Variants in PPM1H observed in about 807,000 individuals in gnomAD.
PPM1H encodes protein phosphatase 1H.
Under a neutral mutation model 54.9 loss-of-function variants are expected in PPM1H, and 27 were observed. That is an observed-to-expected ratio of 0.49 (90% confidence interval 0.36 to 0.68). The LOEUF (loss-of-function observed/expected upper bound fraction) is 0.68. PPM1H is among the 30% of genes least tolerant of loss of function. The pLI, the probability that PPM1H is intolerant of heterozygous loss-of-function variation, is 0.00. For missense variants in PPM1H, 596 were observed against 667.8 expected, an observed-to-expected ratio of 0.89 and a Z score of 1.19; for synonymous variants, 305 against 270.8, an observed-to-expected ratio of 1.13 and a Z score of -1.24.
At chr12:62,662,629 A>G (rs112676680) in intron 9 of PPM1H, among the ~76,000 whole-genome samples, 1,793 of 152,328 alleles carry the variant, frequency 0.012, 16 homozygotes, top group South Asian at 0.029. Context: ...AATTTTCCCA[A>G]GATCCTAAAT....
intron 1 of PPM1H, among the ~76,000 whole-genome samples, chr12:62,917,274 T>C (rs1871654667): frequency 6.6e-6 from 1 of 152,240 alleles, no homozygotes; most frequent in Admixed American, 6.5e-5. Flanking sequence ...CTGTGCCAAG[T>C]GGCAGCACAA....
At position 62,719,404 on chromosome 12, in the gene PPM1H, C is replaced by A. The variant is rs994730511; in HGVS notation, c.1073+767G>T. Among the ~76,000 whole-genome samples the A allele has an allele frequency of 3.3e-5, 5 of 152,126 alleles. No homozygotes were observed. The South Asian group carries it at 1.0e-3, about 32-fold the overall frequency. ...CTGGCAGGAGGCTCGCTCGTTAGGA[C>A]CCCAGGGCACAAGAGCAAATCTTCA... On this transcript the variant is annotated intron_variant, in intron 6 of 9. Coordinates refer to ENST00000228705, the MANE Select transcript of PPM1H (RefSeq NM_020700.2).
Position 62,646,272 on chromosome 12 carries a change from A to C in PPM1H, c.*2217T>G, listed in dbSNP as rs1029912002. Reference sequence around the variant, plus strand: ...CTGAGACGTGCCATAGCAGTAAATGAATTGGTGAATTGAGTAGAAGGTAGT... The same window carrying C: ...CTGAGACGTGCCATAGCAGTAAATGCATTGGTGAATTGAGTAGAAGGTAGT... On this transcript the variant is annotated 3_prime_UTR_variant, in exon 10 of 10. Coordinates refer to ENST00000228705, the MANE Select transcript of PPM1H (RefSeq NM_020700.2). The C allele has an allele frequency of 2.6e-5, 4 of 152,186 alleles. No individual in the cohort carries two copies. The highest frequency in any genetic ancestry group is 9.7e-5 in the African/African-American group (4 of 41,440). 9.4% of individuals were successfully genotyped at this position (152,186 alleles called of 1,614,324 possible).
intron 3 of PPM1H, among the ~76,000 whole-genome samples, chr12:62,795,569 C>A (rs1288460869): frequency 6.6e-6 from 1 of 152,052 alleles, no homozygotes; most frequent in Non-Finnish European, 1.5e-5. Flanking sequence ...GCCTCAGGCT[C>A]CCGAGTAGCT....
At chr12:62,928,939 T>A (rs1422667992) in intron 1 of PPM1H, among the ~76,000 whole-genome samples, 1 of 152,162 alleles carries the variant, frequency 6.6e-6, no homozygotes, top group Non-Finnish European at 1.5e-5. Context: ...GTAACAAGTG[T>A]CAGAATAATT....
chr12:62,922,334 G>GTTTTT (rs1871825197), intron 1 of PPM1H, among the ~76,000 whole-genome samples: 1 of 79,282 alleles, frequency 1.3e-5, no homozygotes, highest in African/African-American at 4.3e-5. Flanking sequence ...GGGATAGGAT[G>GTTTTT]TCTTTTTTTT....
At chr12:62,695,240 A>T (rs868015860) in intron 6 of PPM1H, among the ~76,000 whole-genome samples, 1 of 152,162 alleles carries the variant, frequency 6.6e-6, no homozygotes, top group Non-Finnish European at 1.5e-5. Flanking sequence ...CATGGGGTGG[A>T]GAATCAGTGA....
intron 1 of PPM1H, chr12:62,840,072 AGAGAGAGAGAGAGC>A (rs1472991858): frequency 2.6e-5 from 4 of 151,260 alleles, no homozygotes; most frequent in African/African-American, 9.8e-5. Context: ...AGAGAGAGAG[AGAGAGAGAGAGAGC>A]GAGAGAAATA....
intron 1 of PPM1H, among the ~76,000 whole-genome samples, chr12:62,884,234 T>A (rs1870498073): frequency 6.6e-6 from 1 of 151,690 alleles, no homozygotes; most frequent in Non-Finnish European, 1.5e-5. Flanking sequence ...AAACCTGTAA[T>A]CCCAGCACTT....
At chr12:62,771,295 GACACAC>G (rs4026219) in intron 4 of PPM1H, among the ~76,000 whole-genome samples, 6,417 of 131,854 alleles carry the variant, frequency 0.049, 166 homozygotes, top group South Asian at 0.092. Flanking sequence ...ACTTTGTGAA[GACACAC>G]ACACACACAC....
chr12:62,772,299 G>A (rs558534963), intron 4 of PPM1H, among the ~76,000 whole-genome samples: 43 of 152,250 alleles, frequency 2.8e-4, no homozygotes, highest in African/African-American at 1.0e-3. Flanking sequence ...AAGTCATTCT[G>A]CTAAGTTGTG....
chr12:62,656,460 T>C (rs2075844328), intron 9 of PPM1H, among the ~76,000 whole-genome samples: 1 of 152,230 alleles, frequency 6.6e-6, no homozygotes, highest in East Asian at 1.9e-4. Context: ...TCATAAGTCA[T>C]CTACGTCTTA....
chr12:62,907,309 G>T (rs146895137), intron 1 of PPM1H, among the ~76,000 whole-genome samples: 151 of 152,284 alleles, frequency 9.9e-4, no homozygotes, highest in African/African-American at 3.4e-3. Flanking sequence ...TCATCATCAC[G>T]AGTCTTGGGA....
At chr12:62,870,525 T>C (rs1432998706) in intron 1 of PPM1H, among the ~76,000 whole-genome samples, 1 of 152,038 alleles carries the variant, frequency 6.6e-6, no homozygotes, top group Non-Finnish European at 1.5e-5. Context: ...GAGAAAAGAA[T>C]GGATTTGAAA....
intron 3 of PPM1H, among the ~76,000 whole-genome samples, chr12:62,798,622 C>A (rs2076749572): frequency 6.6e-6 from 1 of 152,194 alleles, no homozygotes; most frequent in Non-Finnish European, 1.5e-5. Context: ...AGGGAAGAGA[C>A]ATAGCTTAAA....
chr12:62,837,770 C>T (rs143499383), intron 1 of PPM1H, among the ~76,000 whole-genome samples: 295 of 152,324 alleles, frequency 1.9e-3, no homozygotes, highest in African/African-American at 6.8e-3. Context: ...ACACCAAATG[C>T]AAAGCTAGCT....
At chr12:62,795,406 C>T (rs1241034775) in intron 3 of PPM1H, among the ~76,000 whole-genome samples, 15 of 151,758 alleles carry the variant, frequency 9.9e-5, no homozygotes, top group Admixed American at 9.9e-4. Context: ...TTTCTATATT[C>T]ATATAATGTG....
chr12:62,686,548 TTCTCTGG>T (rs922874004), intron 8 of PPM1H, among the ~76,000 whole-genome samples: 38 of 152,206 alleles, frequency 2.5e-4, no homozygotes, highest in Admixed American at 2.5e-3. Context: ...TTTATTGCTC[TTCTCTGG>T]TGAGAAGTAG....
At chr12:62,748,927 T>A (rs899245200) in intron 4 of PPM1H, among the ~76,000 whole-genome samples, 3 of 152,192 alleles carry the variant, frequency 2.0e-5, no homozygotes, top group African/African-American at 7.2e-5. Flanking sequence ...CAGGCAACTT[T>A]CAAGGTTAGA....
Sources: gnomAD v4.1 joint callset for allele counts (sites outside exome capture counted in the v4.1 genomes callset) on GRCh38, gnomAD v4.1.1 for gene constraint, MANE v1.5 for transcripts, NCBI Gene and HGNC (gene_info 2026-07-23, HGNC 2026-07-21) for gene names.